Variants in ZC3H4 observed in about 807,000 individuals in gnomAD.
The protein encoded by ZC3H4 is zinc finger CCCH domain-containing protein 4.
Under a neutral mutation model 108.3 loss-of-function variants are expected in ZC3H4, and 13 were observed. That is an observed-to-expected ratio of 0.12 (90% CI 0.08 to 0.19). ZC3H4 has a LOEUF of 0.19. ZC3H4 is among the 10% of genes least tolerant of loss of function. The pLI is 1.00. For missense variants in ZC3H4, 1,734 were observed against 1,838.8 expected, an observed-to-expected ratio of 0.94 and a Z score of 1.04; for synonymous variants, 917 against 749.6, an observed-to-expected ratio of 1.22 and a Z score of -3.65.
rs530698890 is a variant in ZC3H4, at chr19:47,085,490, C to A, written c.871-76G>T. ...ACACTGTCCCCACCTACACACTGCT[C>A]CTTTTTGAAGGATGGTGACCATCCA... On this transcript the variant is annotated intron_variant, in intron 6 of 14. Coordinates refer to ENST00000253048, the MANE Select transcript of ZC3H4 (RefSeq NM_015168.2). The A allele has an allele frequency of 7.6e-6, 10 of 1,319,220 alleles. No homozygotes were observed. In the South Asian group the frequency reaches 1.5e-4, roughly 20 times the overall value. 81.7% of individuals were successfully genotyped at this position (1,319,220 alleles called of 1,614,324 possible).
intron 9 of ZC3H4, among the ~76,000 whole-genome samples, chr19:47,083,236 A>AGCTTGC (rs2057555512): frequency 6.6e-6 from 1 of 151,196 alleles, no homozygotes; most frequent in Non-Finnish European, 1.5e-5. Context: ...AGTGAGGCAG[A>AGCTTGC]ACTTGCAGTG....
chr19:47,071,948 T>C lies in ZC3H4; in HGVS notation c.1976A>G (p.Asn659Ser), dbSNP rs745405299. 1.9e-6 allele frequency: 3 copies of C among 1,613,126 alleles called. No homozygotes were observed. In the South Asian group the frequency reaches 3.3e-5, roughly 18 times the overall value. The change falls in exon 13 of 15, where the codon AAT becomes AGT. Residue 659 changes from asparagine (N) to serine (S), a missense_variant. Transcript: ENST00000253048. ...GCCAGGGCCCATGGGTGGGCCAGGA[T>C]TCATGCCAGGGCCCATCGGCATGTC... is the stretch of plus-strand genomic sequence containing the variant. ...HADMPMGPGM[N>S]PGPPMGPGGP...
At position 47,077,948 on chromosome 19, in the gene ZC3H4, T is replaced by C. The variant is rs78906298; in HGVS notation, c.1440+3565A>G. 8.3e-3 allele frequency among the ~76,000 whole-genome samples: 1,260 copies of C among 152,184 alleles called. 14 individuals are homozygous for C. The highest frequency in any genetic ancestry group is 0.01 in the Non-Finnish European group (690 of 68,006). ...AAGCAGAAATCTACAACCCTCTAAGTTTTGCAAACATCAAGTTTTGCTTTC... is the reference window on the plus strand; with the variant it reads ...AAGCAGAAATCTACAACCCTCTAAGCTTTGCAAACATCAAGTTTTGCTTTC... On this transcript the variant is annotated intron_variant, in intron 11 of 14. Transcript: ENST00000253048.
chr19:47,097,009 C>T (rs1465409463), intron 2 of ZC3H4: 1 of 985,164 alleles, frequency 1.0e-6, no homozygotes. Flanking sequence ...GACGAAGGTA[C>T]AGGCTACTCT....
chr19:47,087,379 A>G (rs570414387), intron 5 of ZC3H4, among the ~76,000 whole-genome samples: 2 of 152,148 alleles, frequency 1.3e-5, no homozygotes, highest in East Asian at 3.9e-4. Context: ...TTTTAAACAT[A>G]TTAGGTTGAA....
chr19:47,097,120 AG>A (rs1227553951), intron 2 of ZC3H4: 1 of 486,958 alleles, frequency 2.1e-6, no homozygotes, highest in Non-Finnish European at 2.7e-6. Context: ...ACCAAGGTAG[AG>A]AAGTGCAGCA....
intron 9 of ZC3H4, among the ~76,000 whole-genome samples, chr19:47,083,008 C>G (rs2057550804): frequency 6.6e-6 from 1 of 152,200 alleles, no homozygotes; most frequent in Non-Finnish European, 1.5e-5. Flanking sequence ...AGAAGCTGAT[C>G]TGTCCCCCTT....
At chr19:47,096,456 C>G (rs2057821746) in intron 2 of ZC3H4, among the ~76,000 whole-genome samples, 2 of 152,342 alleles carry the variant, frequency 1.3e-5, no homozygotes, top group South Asian at 4.1e-4. Context: ...CGAAAAGGGC[C>G]ACATGACTGG....
chr19:47,094,784 G>A (rs2057794897), intron 2 of ZC3H4, among the ~76,000 whole-genome samples, 176 bp from the exon 3 acceptor site: 1 of 152,198 alleles, frequency 6.6e-6, no homozygotes, highest in African/African-American at 2.4e-5. Flanking sequence ...CCCCCTGAAA[G>A]AACTGTGCTT....
At chr19:47,076,386 T>C (rs2057420526) in intron 11 of ZC3H4, among the ~76,000 whole-genome samples, 1 of 152,258 alleles carries the variant, frequency 6.6e-6, no homozygotes, top group Non-Finnish European at 1.5e-5. Context: ...ATTCTATTTA[T>C]ATGATTTGCT....
Position 47,067,591 on chromosome 19 carries a change from C to T in ZC3H4, c.2677G>A (p.Ala893Thr). Reference protein sequence around the residue: ...GDSGPSDPRLARALPTSKPEG... With the variant: ...GDSGPSDPRLTRALPTSKPEG... ...GGCTTGGAGGTGGGCAGGGCGCGAGCCAGCCGAGGATCGGAGGGTCCCGAA... is the reference window on the plus strand; with the variant it reads ...GGCTTGGAGGTGGGCAGGGCGCGAGTCAGCCGAGGATCGGAGGGTCCCGAA... The change falls in exon 15 of 15, where the codon GCT (alanine) becomes ACT (threonine). Residue 893 changes from alanine (A) to threonine (T), a missense_variant. Ala to Thr is a moderately conservative substitution (Grantham distance 58). Around this residue, in one of 9 missense-constraint regions of ZC3H4, gnomAD observed 540 missense variants for 484.1 expected, o/e 1.12. Transcript: ENST00000253048. This position sits in a 1 kb window ranked among gnomAD's most constrained non-coding sequence, Gnocchi z 6.4. 1 of 1,604,874 alleles carries T rather than the reference C, an allele frequency of 6.2e-7. No individual in the cohort carries two copies. Among genetic ancestry groups the T allele is most frequent in the Non-Finnish European group, 8.5e-7 (1 of 1,176,708 alleles).
chr19:47,102,656 G>A (rs1185079541), intron 2 of ZC3H4, among the ~76,000 whole-genome samples: 1 of 151,870 alleles, frequency 6.6e-6, no homozygotes, highest in Non-Finnish European at 1.5e-5. Flanking sequence ...AAAGACACAA[G>A]GCCGATACGG....
chr19:47,075,395 T>C (rs181338764), intron 11 of ZC3H4, among the ~76,000 whole-genome samples: 68 of 152,188 alleles, frequency 4.5e-4, no homozygotes, highest in African/African-American at 1.6e-3. Flanking sequence ...CAAGGGCCCT[T>C]CCTCAACTGT....
intron 6 of ZC3H4, among the ~76,000 whole-genome samples, chr19:47,085,896 C>T (rs1020254141): frequency 1.3e-5 from 2 of 152,192 alleles, no homozygotes; most frequent in Non-Finnish European, 2.9e-5. Flanking sequence ...CAGAGTCTTG[C>T]TCTGTCGCCT....
At position 47,067,603 on chromosome 19, in the gene ZC3H4, C is replaced by A; in HGVS notation, c.2665G>T (p.Asp889Tyr). Residue 889 changes from aspartate (D) to tyrosine (Y), a missense_variant, in exon 15 of 15, where the codon GAT (aspartate) becomes TAT (tyrosine). Asp to Tyr is a radical substitution (Grantham distance 160). This residue lies in a region of ZC3H4 where 540 missense variants were observed against 484.1 expected (regional missense o/e 1.12). Coordinates refer to ENST00000253048, the MANE Select transcript of ZC3H4 (RefSeq NM_015168.2). The surrounding 1 kb of genome is among the most constrained non-coding windows in gnomAD (Gnocchi z 6.4). ...GGCAGGGCGCGAGCCAGCCGAGGAT[C>A]GGAGGGTCCCGAATCACCTGGGCCA... ...GSGPGDSGPS[D>Y]PRLARALPTS... The A allele has an allele frequency of 6.2e-7, 1 of 1,605,626 alleles. No individual in the cohort carries two copies. The highest frequency in any genetic ancestry group is 8.5e-7 in the Non-Finnish European group (1 of 1,177,578).
intron 5 of ZC3H4, among the ~76,000 whole-genome samples, chr19:47,088,346 G>A (rs1171669555): frequency 6.6e-6 from 1 of 151,656 alleles, no homozygotes; most frequent in African/African-American, 2.4e-5. Context: ...GAGAGATCGA[G>A]ACCACCCTGG....
intron 2 of ZC3H4, chr19:47,097,032 T>C (rs191883949): frequency 2.0e-6 from 2 of 979,304 alleles, no homozygotes; most frequent in East Asian, 1.1e-4. Context: ...ATCTAACACC[T>C]GCGGGCAGAG....
chr19:47,107,824 T>C (rs1310454740), intron 2 of ZC3H4, among the ~76,000 whole-genome samples: 1 of 152,170 alleles, frequency 6.6e-6, no homozygotes, highest in Non-Finnish European at 1.5e-5. Flanking sequence ...CCAGTGAAAC[T>C]GTACACAATG....
intron 2 of ZC3H4, among the ~76,000 whole-genome samples, chr19:47,103,078 C>G (rs952095970): frequency 3.3e-5 from 5 of 152,158 alleles, no homozygotes; most frequent in African/African-American, 1.2e-4. Flanking sequence ...CATTCTTGAG[C>G]AAAGGTATCT....
Sources: gnomAD v4.1 joint callset for allele counts (sites outside exome capture counted in the v4.1 genomes callset) on GRCh38, gnomAD v4.1.1 for gene constraint, gnomAD v4.1.1 regional missense constraint, Gnocchi (gnomAD v3.1) non-coding constraint, MANE v1.5 for transcripts, NCBI Gene and HGNC (gene_info 2026-07-23, HGNC 2026-07-21) for gene names.